ANLN: variants seen among roughly 807,000 people sequenced by gnomAD.
ANLN encodes anillin, actin binding protein.
A neutral mutation model predicts 135.1 loss-of-function variants in ANLN; 59 were observed. The ratio of observed to expected loss-of-function variants is 0.44; its 90% CI spans 0.35 to 0.54. The LOEUF (loss-of-function observed/expected upper bound fraction) is 0.54. ANLN is among the 20% of genes least tolerant of loss of function. The pLI is 0.00. For synonymous variants in ANLN, 406 were observed against 456.4 expected (o/e 0.89, Z 1.41); for missense variants, 1,182 against 1,340.0 (o/e 0.88, Z 1.84).
At chr7:36,443,724 C>CT in intron 21 of ANLN, 31 bp from the exon 22 acceptor site, 1 of 1,485,950 alleles carries the variant, frequency 6.7e-7, no homozygotes, top group Non-Finnish European at 9.3e-7. Context: ...CCTCAACTTT[C>CT]TAAAGCCAGC....
At chr7:36,451,011 T>A (rs1020947784) in intron 23 of ANLN, among the ~76,000 whole-genome samples, 1 of 152,256 alleles carries the variant, frequency 6.6e-6, no homozygotes, top group Non-Finnish European at 1.5e-5. Flanking sequence ...TTTCTCACTA[T>A]AAAATTATAA....
intron 23 of ANLN, among the ~76,000 whole-genome samples, chr7:36,451,680 G>A (rs897215420): frequency 8.5e-5 from 13 of 152,302 alleles, no homozygotes; most frequent in Middle Eastern, 3.4e-3. Context: ...CTACCAGAAG[G>A]TGGTAAACTT....
rs1245616337 is a variant in ANLN at position 36,445,854 on chromosome 7, C to T, written c.3078+1992C>T. On this transcript the variant is annotated intron_variant, in intron 22 of 23. Transcript: ENST00000265748. ...CCCACCAGGAGTATTTGAAAGTTCT[C>T]AGCTTTTCATATTCCCACCAATACA... is the stretch of plus-strand genomic sequence containing the variant. Among the ~76,000 whole-genome samples the T allele has an allele frequency of 2.6e-5, 4 of 152,180 alleles. No individual in the cohort carries two copies. The South Asian group carries it at 8.3e-4, about 32-fold the overall frequency.
intron 11 of ANLN, 71 bp from the exon 12 acceptor site, chr7:36,420,526 G>A: frequency 2.2e-6 from 3 of 1,373,960 alleles, no homozygotes; most frequent in Non-Finnish European, 3.1e-6. Flanking sequence ...AAATTCTGCT[G>A]ATATGTTCAA....
chr7:36,429,727 G>A (rs1251515152), intron 20 of ANLN, among the ~76,000 whole-genome samples: 2 of 152,156 alleles, frequency 1.3e-5, no homozygotes, highest in African/African-American at 2.4e-5. Flanking sequence ...ACATATGTAA[G>A]AGATTTCATT....
Position 36,452,790 on chromosome 7 carries a change from GAGT to G in ANLN, c.*193_*195del, listed in dbSNP as rs1789301721. 1.9e-6 allele frequency: 1 copy of G among 535,116 alleles called. No individual in the cohort carries two copies. The highest frequency in any genetic ancestry group is 3.1e-6 in the Non-Finnish European group (1 of 318,680). 33.1% of individuals were successfully genotyped at this position (535,116 alleles called of 1,614,324 possible). ...TAACTGATTTCTGTCATTCATCAAT[GAGT>G]AGAAGTAAATACATTATAGTTGATT... On this transcript the variant is annotated 3_prime_UTR_variant, in exon 24 of 24. Transcript: ENST00000265748.
rs762176310 is a variant in ANLN, at chr7:36,406,484, A to G, written c.791A>G (p.Asp264Gly). ...GAAGCTACATTCTGTTCCCAAAGGG[A>G]TGGCGATGCCTCTTTGAATAAAGCC... ...KQEATFCSQR[D>G]GDASLNKALS... The change falls in exon 4 of 24, where the codon GAT (aspartate) becomes GGT (glycine). Residue 264 changes from aspartate to glycine, a missense_variant. By Grantham distance (94) the Asp-to-Gly change is moderately conservative (BLOSUM62 -1). Coordinates refer to ENST00000265748, the MANE Select transcript of ANLN (RefSeq NM_018685.5). 4 of 1,599,202 alleles carry G rather than the reference A, an allele frequency of 2.5e-6. No homozygotes were observed. Among genetic ancestry groups the G allele is most frequent in the African/African-American group, 1.3e-5 (1 of 74,758 alleles).
rs1787835322 is a variant in ANLN at position 36,420,590 on chromosome 7, C to G, written c.2016-7C>G. On this transcript the variant is annotated splice_region_variant and splice_polypyrimidine_tract_variant and intron_variant, in intron 11 of 23. Transcript: ENST00000265748. The stretch of plus-strand genomic sequence containing the variant: ...ATTTCTAATAGAGTGTAACTTACCT[C>G]TTGAAGCATTGATGCATATAGATCT... 1 of 1,608,456 alleles carries G rather than the reference C, an allele frequency of 6.2e-7. No homozygotes were observed. Among genetic ancestry groups the G allele is most frequent in the African/African-American group, 1.3e-5 (1 of 74,902 alleles).
intron 13 of ANLN, 94 bp from the exon 14 acceptor site, chr7:36,422,538 AC>A: frequency 9.1e-7 from 1 of 1,097,494 alleles, no homozygotes; most frequent in African/African-American, 1.6e-5. Context: ...CTTCGCTGTT[AC>A]GTACAGTTTC....
intron 3 of ANLN, among the ~76,000 whole-genome samples, chr7:36,402,974 A>G (rs190604933): frequency 3.9e-5 from 6 of 152,212 alleles, no homozygotes; most frequent in East Asian, 1.9e-4. Context: ...TCTTGTAACT[A>G]TACTCTGTGG....
At position 36,425,997 on chromosome 7, in the gene ANLN, C is replaced by CTTTTT; in HGVS notation, c.2749-7_2749-3dup. The CTTTTT allele has an allele frequency of 7.4e-7, 1 of 1,349,814 alleles. No individual in the cohort carries two copies. The highest frequency in any genetic ancestry group is 9.9e-7 in the Non-Finnish European group (1 of 1,005,938). The allele number at this position is 1,349,814 out of a possible 1,614,324, so 83.6% of individuals were successfully genotyped here. A position where few individuals can be genotyped will look rare whatever the true frequency, so the allele number is the denominator to read the frequency against. ...AATAACTTATGTTTCTTCTTCACAC[C>CTTTTT]TTTTTTTTTTTTTTTAGAAAAGCAA... is the stretch of plus-strand genomic sequence containing the variant. On this transcript the variant is annotated splice_polypyrimidine_tract_variant and intron_variant, in intron 18 of 23. Transcript: ENST00000265748.
intron 2 of ANLN, among the ~76,000 whole-genome samples, chr7:36,397,881 A>T (rs1786771690): frequency 6.6e-6 from 1 of 152,224 alleles, no homozygotes; most frequent in African/African-American, 2.4e-5. Flanking sequence ...ACTGCATTCC[A>T]TCCTGGGTGA....
intron 22 of ANLN, 118 bp downstream of exon 22, chr7:36,443,980 T>C: frequency 1.6e-6 from 1 of 634,938 alleles, no homozygotes; most frequent in Non-Finnish European, 2.6e-6. Context: ...TTTTGTGTAC[T>C]CACTAAGCCA....
At position 36,422,998 on chromosome 7, in the gene ANLN, A is replaced by G. The variant is rs182004364; in HGVS notation, c.2476+189A>G. The stretch of plus-strand genomic sequence containing the variant: ...ATATATAGGGATACCAATCTACACA[A>G]TAATGGACATTGCTCTTACTGAAAG... On this transcript the variant is annotated intron_variant, in intron 14 of 23. Coordinates refer to ENST00000265748, the MANE Select transcript of ANLN (RefSeq NM_018685.5). Among the ~76,000 whole-genome samples, 12 of 152,328 alleles carry G rather than the reference A, an allele frequency of 7.9e-5. 1 individual carries two copies. The highest frequency in any genetic ancestry group is 1.5e-4 in the Non-Finnish European group (10 of 68,004).
intron 20 of ANLN, chr7:36,428,440 C>A: frequency 1.3e-6 from 1 of 751,884 alleles, no homozygotes; most frequent in Non-Finnish European, 1.9e-6. Context: ...ATTTGTTTTA[C>A]TAACTATCTT....
chr7:36,392,109 T>C (rs1316686984), intron 1 of ANLN, among the ~76,000 whole-genome samples: 1 of 152,214 alleles, frequency 6.6e-6, no homozygotes, highest in Admixed American at 6.5e-5. Flanking sequence ...TCCAGAACTT[T>C]CTTTATAAAA....
intron 21 of ANLN, 75 bp from the exon 22 acceptor site, chr7:36,443,680 G>T (rs563268362): frequency 4.4e-6 from 4 of 908,962 alleles, no homozygotes; most frequent in Non-Finnish European, 5.3e-6. Flanking sequence ...TACAGTTAGT[G>T]TACAGAATCA....
At chr7:36,423,101 A>T (rs1046009078) in intron 14 of ANLN, among the ~76,000 whole-genome samples, 3 of 152,156 alleles carry the variant, frequency 2.0e-5, no homozygotes, top group African/African-American at 4.8e-5. Context: ...TGGAACACAA[A>T]TTTTTTTGTG....
Position 36,425,738 on chromosome 7 carries a change from A to C in ANLN, c.2746A>C (p.Thr916Pro). The C allele has an allele frequency of 6.2e-7, 1 of 1,611,548 alleles. No homozygotes were observed. Among genetic ancestry groups the C allele is most frequent in the South Asian group, 1.1e-5 (1 of 90,766 alleles). Residue 916 changes from threonine (T) to proline (P), a missense_variant and splice_region_variant, in exon 18 of 24, where the codon ACA becomes CCA. By Grantham distance (38) the Thr-to-Pro change is conservative (BLOSUM62 -1). Coordinates refer to ENST00000265748, the MANE Select transcript of ANLN (RefSeq NM_018685.5). ...TPKRLLTSIT[T>P]KSNIHSSVMA... Reference sequence around the variant, plus strand: ...AAAGCGACTCCTCACATCTATAACCACAGTAAGTAGAATTTTTGAGAAATT... The same window carrying C: ...AAAGCGACTCCTCACATCTATAACCCCAGTAAGTAGAATTTTTGAGAAATT...
Sources: gnomAD v4.1 joint callset for allele counts (sites outside exome capture counted in the v4.1 genomes callset) on GRCh38, gnomAD v4.1.1 for gene constraint, MANE v1.5 for transcripts, NCBI Gene and HGNC (gene_info 2026-07-23, HGNC 2026-07-21) for gene names.